LPA: variants seen among roughly 807,000 people sequenced by gnomAD.
LPA encodes lipoprotein(a).
LPA carries 199 observed loss-of-function variants against 197.9 expected under a neutral mutation model. That is an observed-to-expected ratio of 1.01 (90% CI 0.90 to 1.13). The LOEUF (loss-of-function observed/expected upper bound fraction) is 1.13, where lower values mean the gene tolerates loss of function less well. LPA is among the 50% of genes most tolerant of loss of function. The pLI, the probability that LPA is intolerant of heterozygous loss-of-function variation, is 0.00. For synonymous variants in LPA, 715 were observed against 639.5 expected, an observed-to-expected ratio of 1.12 and a Z score of -1.78; for missense variants, 1,853 against 1,785.8, an observed-to-expected ratio of 1.04 and a Z score of -0.68.
intron 17 of LPA, among the ~76,000 whole-genome samples, chr6:160,605,866 C>A (rs891190725): frequency 3.3e-5 from 5 of 152,148 alleles, no homozygotes; most frequent in African/African-American, 4.8e-5. Flanking sequence ...CTCTTTCTAT[C>A]CAGACCGCTC....
chr6:160,648,136 C>T (rs1779935558), intron 2 of LPA, among the ~76,000 whole-genome samples: 2 of 152,126 alleles, frequency 1.3e-5, no homozygotes, highest in African/African-American at 2.4e-5. Context: ...TTCTTTCTTA[C>T]GTTTATTACT....
rs1778886404 is a variant in LPA, at chr6:160,585,211, A to G, written c.4130-6T>C. On this transcript the variant is annotated splice_polypyrimidine_tract_variant and splice_region_variant and intron_variant, in intron 25 of 38. Coordinates refer to ENST00000316300, the MANE Select transcript of LPA (RefSeq NM_005577.4). ...AGTGCTGTTTTCAGTTGGTGCTGAA[A>G]TTAAAAGAGAAAATCAAGCTCAGTA... The G allele has an allele frequency of 2.5e-6, 4 of 1,613,620 alleles. No individual in the cohort carries two copies. Among genetic ancestry groups the G allele is most frequent in the Non-Finnish European group, 3.4e-6 (4 of 1,179,720 alleles).
At position 160,589,593 on chromosome 6, in the gene LPA, G is replaced by C; in HGVS notation, c.3907C>G (p.Pro1303Ala). ...RTCQSWSSMT[P>A]HWHQRTTEYY... ...TCTGTGGTTCTCTGATGCCAGTGTGGTGTCATAGAGGACCAAGACTGACAT... is the reference window on the plus strand; with the variant it reads ...TCTGTGGTTCTCTGATGCCAGTGTGCTGTCATAGAGGACCAAGACTGACAT... The change falls in exon 24 of 39, where the codon CCA becomes GCA. Residue 1303 changes from proline (P) to alanine (A), a missense_variant. This residue lies in a region of LPA where 1,737 missense variants were observed against 1,504.4 expected (regional missense o/e 1.15). Transcript: ENST00000316300. 6.2e-7 allele frequency: 1 copy of C among 1,613,922 alleles called. No individual in the cohort carries two copies. Among genetic ancestry groups the C allele is most frequent in the Non-Finnish European group, 8.5e-7 (1 of 1,179,858 alleles).
chr6:160,584,173 C>A (rs922157197), intron 26 of LPA, among the ~76,000 whole-genome samples: 1 of 20,960 alleles, frequency 4.8e-5, no homozygotes, highest in Non-Finnish European at 1.1e-4. Flanking sequence ...TTTCTATTTT[C>A]TTCTTCTTCT....
intron 28 of LPA, among the ~76,000 whole-genome samples, chr6:160,572,052 G>GA (rs780335037): frequency 9.2e-5 from 14 of 152,320 alleles, no homozygotes; most frequent in Non-Finnish European, 1.8e-4. Flanking sequence ...AAGACCGTGG[G>GA]AAAAGCATAG....
intron 24 of LPA, among the ~76,000 whole-genome samples, chr6:160,588,550 T>C (rs73594901): frequency 0.017 from 2,586 of 152,294 alleles, 61 homozygotes; most frequent in African/African-American, 0.057. Context: ...GTAGCTTTTC[T>C]TTGTTGTTCT....
chr6:160,576,688 G>GTATATATA (rs1414636286), intron 28 of LPA, among the ~76,000 whole-genome samples: 48 of 57,918 alleles, frequency 8.3e-4, no homozygotes, highest in Middle Eastern at 0.014. Flanking sequence ...GTGTGTGTGT[G>GTATATATA]TGTATATATA....
At chr6:160,615,350 G>A (rs62441718) in intron 14 of LPA, among the ~76,000 whole-genome samples, 24,170 of 115,908 alleles carry the variant, frequency 0.21, 3,897 homozygotes, top group African/African-American at 0.33. Context: ...TGTGTTTTCA[G>A]TTTGTGTGTG....
chr6:160,550,604 C>G (rs1400389747), intron 30 of LPA, among the ~76,000 whole-genome samples: 1 of 152,198 alleles, frequency 6.6e-6, no homozygotes, highest in Non-Finnish European at 1.5e-5. Flanking sequence ...AACATGTACA[C>G]TTGTGTAACT....
Position 160,532,625 on chromosome 6 carries a change from T to C in LPA, c.5867A>G (p.Lys1956Arg). Residue 1956 changes from lysine to arginine, a missense_variant, in exon 38 of 39, where the codon AAG becomes AGG. Transcript: ENST00000316300. The stretch of plus-strand genomic sequence containing the variant: ...CTCAATAACAAGGAGCTGGGCTTCC[T>C]TGAGAAGGCCAGTCCCAAAGGTACC... ...TQGTFGTGLL[K>R]EAQLLVIENE... 1 of 1,610,052 alleles carries C rather than the reference T, an allele frequency of 6.2e-7. No individual in the cohort carries two copies.
In LPA at chr6:160,607,588, T is replaced by C. The variant is rs1467991337; in HGVS notation, c.2604-930A>G. ...GGATCTTGAAGCATTTGCTCTTCCT[T>C]ATGCCTCCCAAGAACGTTGCTCCAA... On this transcript the variant is annotated intron_variant, in intron 16 of 38. Coordinates refer to ENST00000316300, the MANE Select transcript of LPA (RefSeq NM_005577.4). Among the ~76,000 whole-genome samples, 3 of 152,142 alleles carry C rather than the reference T, an allele frequency of 2.0e-5. No individual in the cohort carries two copies. In the East Asian group the frequency reaches 5.8e-4, roughly 29 times the overall value.
intron 1 of LPA, among the ~76,000 whole-genome samples, chr6:160,655,828 C>T (rs1780122675): frequency 6.6e-6 from 1 of 152,116 alleles, no homozygotes; most frequent in Admixed American, 6.6e-5. Flanking sequence ...TGTTATATCT[C>T]GTGGAAGTGA....
At chr6:160,596,307 A>T (rs1219651891) in intron 20 of LPA, among the ~76,000 whole-genome samples, 2 of 150,862 alleles carry the variant, frequency 1.3e-5, no homozygotes, top group Non-Finnish European at 3.0e-5. Flanking sequence ...TCAAGAGTTT[A>T]CTCCCTTGTT....
intron 1 of LPA, among the ~76,000 whole-genome samples, chr6:160,651,737 A>C (rs1347300591): frequency 1.3e-5 from 2 of 152,214 alleles, no homozygotes; most frequent in Non-Finnish European, 2.9e-5. Context: ...GGAAACTATC[A>C]GTTTGGGTTT....
At position 160,531,589 on chromosome 6, in the gene LPA, A is replaced by C. The variant is rs41266381; in HGVS notation, c.*140T>G. The C allele has an allele frequency of 1.0e-3, 1,184 of 1,189,148 alleles. 7 individuals carry two copies. The highest frequency in any genetic ancestry group is 1.5e-3 in the South Asian group (114 of 76,224). 73.7% of individuals were successfully genotyped at this position (1,189,148 alleles called of 1,614,324 possible). A position where few individuals can be genotyped will look rare whatever the true frequency, so the allele number is the denominator to read the frequency against. On this transcript the variant is annotated 3_prime_UTR_variant, in exon 39 of 39. Coordinates refer to ENST00000316300, the MANE Select transcript of LPA (RefSeq NM_005577.4). ...TTAAAAGCTTATACACAAAAATACC[A>C]AAAATGCCAAGGTTTGGCATAGCTG... is the stretch of plus-strand genomic sequence containing the variant.
intron 20 of LPA, 132 bp downstream of exon 20, chr6:160,599,368 C>T: frequency 1.4e-6 from 2 of 1,389,408 alleles, no homozygotes; most frequent in Non-Finnish European, 2.0e-6. Context: ...TCTCTAAGAA[C>T]TTTTGCTCAC....
chr6:160,581,768 C>T (rs950683033), intron 26 of LPA, among the ~76,000 whole-genome samples: 5 of 152,078 alleles, frequency 3.3e-5, no homozygotes, highest in African/African-American at 1.2e-4. Flanking sequence ...AGGAATTCTG[C>T]TTGGGTGTGG....
At chr6:160,573,854 G>A (rs1778606779) in intron 28 of LPA, among the ~76,000 whole-genome samples, 1 of 152,140 alleles carries the variant, frequency 6.6e-6, no homozygotes, top group South Asian at 2.1e-4. Context: ...CTCCATAGGG[G>A]TTCCTAGCTT....
chr6:160,555,238 AATTATATTATATTAT>A lies in LPA; in HGVS notation c.4973+772_4973+786del, dbSNP rs533211549. Among the ~76,000 whole-genome samples the A allele has an allele frequency of 7.9e-3, 947 of 119,924 alleles. 9 individuals are homozygous for A. Among genetic ancestry groups the A allele is most frequent in the African/African-American group, 0.022 (674 of 30,550 alleles). The allele number at this position is 119,924 out of a possible 152,430, so 78.7% of individuals were successfully genotyped here. ...GTGTTCACACAGGTTTATATATATTAATTATATTATATTATATTATATTATATTATATTATATTAT... is the reference window on the plus strand; with the variant it reads ...GTGTTCACACAGGTTTATATATATTAATTATATTATATTATATTATATTAT... On this transcript the variant is annotated intron_variant, in intron 30 of 38. Coordinates refer to ENST00000316300, the MANE Select transcript of LPA (RefSeq NM_005577.4).
Sources: gnomAD v4.1 joint callset for allele counts (sites outside exome capture counted in the v4.1 genomes callset) on GRCh38, gnomAD v4.1.1 for gene constraint, gnomAD v4.1.1 regional missense constraint, MANE v1.5 for transcripts, NCBI Gene and HGNC (gene_info 2026-07-23, HGNC 2026-07-21) for gene names.